The following CDK17 variants were observed in gnomAD, a reference collection of about 807,000 sequenced individuals.
CDK17 encodes cyclin dependent kinase 17.
In CDK17, 24 loss-of-function variants were observed where a neutral mutation model predicts 77.6. The observed-to-expected ratio is 0.31, with a 90% CI of 0.22 to 0.44. The LOEUF is 0.44. Ranked by LOEUF, CDK17 falls within the 20% of genes least tolerant of loss-of-function variation. CDK17 has a pLI of 1.00. For synonymous variants in CDK17, 203 were observed against 210.4 expected (o/e 0.96, Z 0.30); for missense variants, 429 against 622.5 (o/e 0.69, Z 3.31).
chr12:96,292,390 G>GA (rs751820575), intron 10 of CDK17, among the ~76,000 whole-genome samples: 10 of 152,154 alleles, frequency 6.6e-5, no homozygotes, highest in Non-Finnish European at 1.3e-4. Flanking sequence ...CAGATTGCTT[G>GA]AGGCCAGGAG....
chr12:96,386,262 C>T (rs1320107964), intron 1 of CDK17, among the ~76,000 whole-genome samples: 2 of 152,180 alleles, frequency 1.3e-5, no homozygotes, highest in African/African-American at 4.8e-5. Context: ...TCCCAAAGTG[C>T]TGGGATTACA....
chr12:96,290,206 T>C (rs1379561903), intron 10 of CDK17, among the ~76,000 whole-genome samples: 1 of 152,224 alleles, frequency 6.6e-6, no homozygotes, highest in Non-Finnish European at 1.5e-5. Flanking sequence ...AATCTATTGA[T>C]AATCCAGAAA....
chr12:96,318,113 GC>G (rs1592724625), intron 3 of CDK17, among the ~76,000 whole-genome samples: 1 of 150,968 alleles, frequency 6.6e-6, no homozygotes, highest in East Asian at 2.0e-4. Context: ...GATCTACCAA[GC>G]AAATGGAAAA....
intron 2 of CDK17, among the ~76,000 whole-genome samples, chr12:96,326,761 G>T (rs1038297226): frequency 6.6e-6 from 1 of 152,180 alleles, no homozygotes; most frequent in Non-Finnish European, 1.5e-5. Context: ...GAACCACTGT[G>T]TTAGAGGACT....
At chr12:96,360,356 A>C (rs1953473200) in intron 1 of CDK17, among the ~76,000 whole-genome samples, 1 of 152,202 alleles carries the variant, frequency 6.6e-6, no homozygotes, top group Non-Finnish European at 1.5e-5. Flanking sequence ...ACAGTTTTAC[A>C]AGAGCTGGTA....
chr12:96,346,866 G>A (rs184675444), intron 1 of CDK17, among the ~76,000 whole-genome samples: 3 of 151,016 alleles, frequency 2.0e-5, no homozygotes, highest in Non-Finnish European at 4.4e-5. Context: ...AGTGAGCCGA[G>A]ATCACACCAC....
At chr12:96,380,191 A>C (rs1953855898) in intron 1 of CDK17, among the ~76,000 whole-genome samples, 1 of 151,682 alleles carries the variant, frequency 6.6e-6, no homozygotes, top group South Asian at 2.1e-4. Flanking sequence ...AAAACAAAAA[A>C]AAAACCCAAA....
chr12:96,385,449 C>T (rs562093673), intron 1 of CDK17, among the ~76,000 whole-genome samples: 1 of 152,286 alleles, frequency 6.6e-6, no homozygotes, highest in South Asian at 2.1e-4. Flanking sequence ...ATACCCCAGA[C>T]CTCAGCATCA....
chr12:96,341,381 T>C (rs58684254), intron 1 of CDK17, among the ~76,000 whole-genome samples: 6,584 of 151,896 alleles, frequency 0.043, 497 homozygotes, highest in African/African-American at 0.15. Context: ...GCAAAACTAA[T>C]GTTTTTCTAG....
intron 1 of CDK17, among the ~76,000 whole-genome samples, chr12:96,340,893 G>A (rs1379195397): frequency 6.6e-6 from 1 of 151,970 alleles, no homozygotes; most frequent in African/African-American, 2.4e-5. Flanking sequence ...TTGTTATAGA[G>A]GTAAACTGCA....
At chr12:96,357,965 C>G (rs1056054678) in intron 1 of CDK17, among the ~76,000 whole-genome samples, 1 of 151,996 alleles carries the variant, frequency 6.6e-6, no homozygotes, top group South Asian at 2.1e-4. Context: ...TACGGTAATT[C>G]ATAGAATAGA....
At chr12:96,353,007 T>C (rs1953333811) in intron 1 of CDK17, among the ~76,000 whole-genome samples, 1 of 152,184 alleles carries the variant, frequency 6.6e-6, no homozygotes. Context: ...CTATTAATAG[T>C]TTGGTCAAAT....
intron 13 of CDK17, 29 bp downstream of exon 13, chr12:96,286,013 TC>T (rs769344639): frequency 5.9e-5 from 63 of 1,064,940 alleles, no homozygotes; most frequent in Non-Finnish European, 8.0e-5. Context: ...TCATGTGTTT[TC>T]CCCCCTTTCA....
At chr12:96,295,182 T>C (rs924747732) in intron 9 of CDK17, 60 bp from the exon 10 acceptor site, 3 of 1,331,848 alleles carry the variant, frequency 2.3e-6, no homozygotes, top group Non-Finnish European at 3.1e-6. Flanking sequence ...AGTATAAGCA[T>C]AAATGATGGT....
intron 1 of CDK17, among the ~76,000 whole-genome samples, chr12:96,358,791 C>T (rs563422795): frequency 3.3e-5 from 5 of 152,280 alleles, no homozygotes; most frequent in African/African-American, 1.2e-4. Context: ...AGCCACTGCA[C>T]TCCTGCCTGG....
chr12:96,381,888 G>A (rs1953889663), intron 1 of CDK17, among the ~76,000 whole-genome samples: 1 of 151,964 alleles, frequency 6.6e-6, no homozygotes, highest in Admixed American at 6.6e-5. Flanking sequence ...GGGGATAATG[G>A]GGGTGGGAGG....
At position 96,292,112 on chromosome 12, in the gene CDK17, G is replaced by A. The variant is rs192511254; in HGVS notation, c.998-2825C>T. ...AGCATATGTAAATAGCATATAATTTGTTATTCAAACACAGGTAACCCACAC... is the reference window on the plus strand; with the variant it reads ...AGCATATGTAAATAGCATATAATTTATTATTCAAACACAGGTAACCCACAC... On this transcript the variant is annotated intron_variant, in intron 10 of 16. Coordinates refer to ENST00000261211, the MANE Select transcript of CDK17 (RefSeq NM_002595.5). 3.4e-3 allele frequency among the ~76,000 whole-genome samples: 510 copies of A among 152,208 alleles called. 1 individual carries two copies. Among genetic ancestry groups the A allele is most frequent in the Non-Finnish European group, 5.8e-3 (392 of 67,996 alleles).
intron 1 of CDK17, among the ~76,000 whole-genome samples, chr12:96,344,214 C>CACTA (rs1953164500): frequency 6.6e-6 from 1 of 152,046 alleles, no homozygotes; most frequent in Admixed American, 6.6e-5. Flanking sequence ...CGGACAGGGA[C>CACTA]ACTATCAAGT....
At chr12:96,312,971 G>T (rs1046737682) in intron 4 of CDK17, among the ~76,000 whole-genome samples, 2 of 152,040 alleles carry the variant, frequency 1.3e-5, no homozygotes, top group African/African-American at 4.8e-5. Flanking sequence ...CATTAAAATC[G>T]TATTTTCTAA....
Sources: allele counts gnomAD v4.1 joint callset (sites outside exome capture counted in the v4.1 genomes callset), GRCh38; gene constraint gnomAD v4.1.1; transcripts MANE v1.5; gene names NCBI Gene and HGNC (gene_info 2026-07-23, HGNC 2026-07-21).